The following DAB1 variants were observed in gnomAD, a reference collection of about 807,000 sequenced individuals.
The protein encoded by DAB1 is disabled homolog 1.
Under a neutral mutation model 64.6 loss-of-function variants are expected in DAB1, and 15 were observed. The observed-to-expected ratio is 0.23, with a 90% CI of 0.16 to 0.36. The LOEUF (loss-of-function observed/expected upper bound fraction) is 0.36, where lower values mean the gene tolerates loss of function less well. DAB1 is among the 10% of genes least tolerant of loss of function. DAB1 has a pLI of 1.00. For missense variants in DAB1, 596 were observed against 706.7 expected (o/e 0.84, Z 1.78); for synonymous variants, 235 against 251.9 (o/e 0.93, Z 0.64).
intron 6 of DAB1, among the ~76,000 whole-genome samples, chr1:57,762,718 G>T (rs1649141204): frequency 6.6e-6 from 1 of 152,118 alleles, no homozygotes; most frequent in Admixed American, 6.6e-5. Context: ...TGGGACTTCT[G>T]TTCTCAGAGT....
chr1:57,636,117 A>AAT, intron 7 of DAB1, among the ~76,000 whole-genome samples: 1 of 149,828 alleles, frequency 6.7e-6, no homozygotes. Flanking sequence ...AAAAAAACAA[A>AAT]AACAAAAAAC....
chr1:58,083,886 G>C (rs1260584961), intron 5 of DAB1, among the ~76,000 whole-genome samples: 1 of 152,200 alleles, frequency 6.6e-6, no homozygotes, highest in Non-Finnish European at 1.5e-5. Flanking sequence ...AGACCCGCAT[G>C]AAGTCAGGAA....
chr1:57,174,846 A>C (rs1452446832), intron 2 of DAB1, among the ~76,000 whole-genome samples: 1 of 152,194 alleles, frequency 6.6e-6, no homozygotes, highest in African/African-American at 2.4e-5. Context: ...TGTTTATGAT[A>C]ATTGTACTAG....
chr1:57,623,473 T>C (rs535828698), intron 7 of DAB1, among the ~76,000 whole-genome samples: 2 of 152,162 alleles, frequency 1.3e-5, no homozygotes, highest in South Asian at 4.1e-4. Flanking sequence ...ATGAGCACTG[T>C]GTGGAGCTAC....
intron 5 of DAB1, among the ~76,000 whole-genome samples, chr1:57,960,431 G>A (rs766157247): frequency 8.6e-5 from 13 of 150,518 alleles, no homozygotes; most frequent in Non-Finnish European, 1.9e-4. Context: ...CTCAATACAG[G>A]AAAATTTCCT....
At chr1:57,344,060 C>T (rs1677888135) in intron 1 of DAB1, among the ~76,000 whole-genome samples, 1 of 152,234 alleles carries the variant, frequency 6.6e-6, no homozygotes, top group African/African-American at 2.4e-5. Flanking sequence ...AGAAACCTTT[C>T]AGACATTTGA....
At position 57,484,070 on chromosome 1, in the gene DAB1, G is replaced by T. The variant is rs543527418; in HGVS notation, n.625+165522C>A. 6.6e-4 allele frequency among the ~76,000 whole-genome samples: 101 copies of T among 152,286 alleles called. 1 individual carries two copies. The highest frequency in any genetic ancestry group is 1.3e-3 in the Non-Finnish European group (89 of 68,028). Reference sequence around the variant, plus strand: ...GGCAAATTTGAGCCTAAACCTGGAAGAAGTGAAAGTGCATGCTATACAAAG... The same window carrying T: ...GGCAAATTTGAGCCTAAACCTGGAATAAGTGAAAGTGCATGCTATACAAAG... On this transcript the variant is annotated intron_variant and non_coding_transcript_variant, in intron 7 of 20. Coordinates refer to the DAB1 transcript ENST00000485760.
chr1:58,507,673 A>G (rs937025538), intron 2 of DAB1, among the ~76,000 whole-genome samples: 1 of 152,086 alleles, frequency 6.6e-6, no homozygotes, highest in Non-Finnish European at 1.5e-5. Context: ...ATACATATCT[A>G]TATATGCAAG....
At chr1:57,077,945 G>A (rs1394004773) in intron 4 of DAB1, among the ~76,000 whole-genome samples, 2 of 152,100 alleles carry the variant, frequency 1.3e-5, no homozygotes, top group African/African-American at 4.8e-5. Context: ...AAGCAGAAAA[G>A]CAGAGAGACA....
At chr1:57,521,618 C>T (rs1056746208) in intron 7 of DAB1, among the ~76,000 whole-genome samples, 2 of 152,186 alleles carry the variant, frequency 1.3e-5, no homozygotes, top group African/African-American at 2.4e-5. Flanking sequence ...CATTTATCTT[C>T]ATTCCCTCCC....
At chr1:58,433,596 A>AGAGTGTGT in intron 3 of DAB1, among the ~76,000 whole-genome samples, 2 of 79,862 alleles carry the variant, frequency 2.5e-5, no homozygotes, top group South Asian at 9.9e-4. Flanking sequence ...AGAGAGAGAG[A>AGAGTGTGT]GTGTGTGTGT....
chr1:57,791,340 T>A (rs1650589263), intron 6 of DAB1, among the ~76,000 whole-genome samples: 1 of 152,216 alleles, frequency 6.6e-6, no homozygotes, highest in South Asian at 2.1e-4. Flanking sequence ...GATCCTCCCT[T>A]TCCTTCTCTT....
chr1:57,525,945 T>C (rs1250421625), intron 7 of DAB1, among the ~76,000 whole-genome samples: 3 of 151,626 alleles, frequency 2.0e-5, no homozygotes, highest in Admixed American at 6.6e-5. Context: ...ATTTCTTTTT[T>C]TTTTTTTTTT....
At chr1:58,530,837 G>T in intron 1 of DAB1, 1 of 650,592 alleles carries the variant, frequency 1.5e-6, no homozygotes. Flanking sequence ...CTCCACCTAA[G>T]ACTGAGAGTT....
intron 3 of DAB1, among the ~76,000 whole-genome samples, chr1:58,396,836 G>T (rs557552204): frequency 4.7e-4 from 71 of 152,268 alleles, no homozygotes; most frequent in Middle Eastern, 3.4e-3. Flanking sequence ...GCCAAGGCGG[G>T]CGGATCATGA....
At chr1:58,531,846 T>C (rs1646439669) in intron 1 of DAB1, among the ~76,000 whole-genome samples, 1 of 152,004 alleles carries the variant, frequency 6.6e-6, no homozygotes, top group South Asian at 2.1e-4. Flanking sequence ...GTACCTGTGA[T>C]TACAGGTACC....
intron 1 of DAB1, among the ~76,000 whole-genome samples, chr1:57,337,984 CCTTCTT>C (rs200412535): frequency 6.7e-6 from 1 of 150,236 alleles, no homozygotes; most frequent in Non-Finnish European, 1.5e-5. Flanking sequence ...TCCTCCTCCT[CCTTCTT>C]CTTCTTCTTC....
chr1:57,317,704 AC>A (rs1203022990), intron 1 of DAB1, among the ~76,000 whole-genome samples: 2 of 152,332 alleles, frequency 1.3e-5, no homozygotes, highest in African/African-American at 2.4e-5. Context: ...AGTCTCCGGT[AC>A]CATTCCAGAT....
chr1:58,071,327 G>A (rs986997262), intron 5 of DAB1, among the ~76,000 whole-genome samples: 3 of 150,202 alleles, frequency 2.0e-5, no homozygotes. Context: ...TCCATGTGAA[G>A]AAGAAATAGG....
Sources: allele counts gnomAD v4.1 joint callset (sites outside exome capture counted in the v4.1 genomes callset), GRCh38; gene constraint gnomAD v4.1.1; transcripts MANE v1.5; gene names NCBI Gene and HGNC (gene_info 2026-07-23, HGNC 2026-07-21).